Variants in TENM3 observed in about 807,000 individuals in gnomAD.
TENM3 encodes the protein teneurin-3.
In TENM3, 63 loss-of-function variants were observed where a neutral mutation model predicts 255.1. That is an observed-to-expected ratio of 0.25 (90% confidence interval 0.20 to 0.30). The LOEUF is 0.30. TENM3 is among the 10% of genes least tolerant of loss of function. The pLI, the probability that TENM3 is intolerant of heterozygous loss-of-function variation, is 1.00. For synonymous variants in TENM3, 1,306 were observed against 1,322.3 expected (o/e 0.99, Z 0.27); for missense variants, 2,929 against 3,461.1 (o/e 0.85, Z 3.86).
At chr4:181,717,065 A>G in the TENM3 span, among the ~76,000 whole-genome samples, 3 of 152,168 alleles carry the variant, frequency 2.0e-5, no homozygotes, top group Non-Finnish European at 4.4e-5. Flanking sequence ...ATCCCTTAGC[A>G]CATATCATGT....
chr4:181,470,108 T>TAAGA, the TENM3 span, among the ~76,000 whole-genome samples: 1 of 112,746 alleles, frequency 8.9e-6, no homozygotes, highest in Non-Finnish European at 1.9e-5. Context: ...ATAGCTTCTG[T>TAAGA]AAAAAAAAAA....
At chr4:182,235,979 A>G (rs1756879178) in intron 1 of TENM3, among the ~76,000 whole-genome samples, 1 of 152,206 alleles carries the variant, frequency 6.6e-6, no homozygotes, top group Non-Finnish European at 1.5e-5. Context: ...GAAGCATTGA[A>G]AGGTTTGATA....
At chr4:181,849,392 T>C in the TENM3 span, among the ~76,000 whole-genome samples, 2 of 152,174 alleles carry the variant, frequency 1.3e-5, no homozygotes, top group Non-Finnish European at 2.9e-5. Context: ...TTCATAAAAT[T>C]ATATTGTTGC....
Position 182,793,871 on chromosome 4 carries a change from A to G in TENM3, c.7199A>G (p.Lys2400Arg). The G allele has an allele frequency of 6.2e-7, 1 of 1,608,040 alleles. No homozygotes were observed. ...NNPASKIHDVKDYITDVNSWL... is the reference protein window; with the variant it reads ...NNPASKIHDVRDYITDVNSWL... Reference sequence around the variant, plus strand: ...CCTGCAAGCAAAATCCATGACGTGAAAGATTACATCACAGGTAAGCATTTT... The same window carrying G: ...CCTGCAAGCAAAATCCATGACGTGAGAGATTACATCACAGGTAAGCATTTT... Residue 2400 changes from lysine (K) to arginine (R), a missense_variant, in exon 26 of 28, where the codon AAA (lysine) becomes AGA (arginine). This residue lies in a region of TENM3 where 476 missense variants were observed against 480.1 expected (regional missense o/e 0.99). Coordinates refer to ENST00000511685, the MANE Select transcript of TENM3 (RefSeq NM_001080477.4). This position sits in a 1 kb window ranked among gnomAD's most constrained non-coding sequence, Gnocchi z 5.7.
In TENM3 at chr4:182,314,937, T is replaced by C. The variant is rs542223129; in HGVS notation, c.-75-9009T>C. 1.7e-4 allele frequency among the ~76,000 whole-genome samples: 26 copies of C among 152,338 alleles called. 1 individual carries two copies. The highest frequency in any genetic ancestry group is 5.9e-4 in the Admixed American group (9 of 15,298). ...TTTCCCCTTTCGTGACTGTTAGTTA[T>C]AACTATTTGCTTTGCTGTTTCAGTG... On this transcript the variant is annotated intron_variant, in intron 1 of 27. Coordinates refer to ENST00000511685, the MANE Select transcript of TENM3 (RefSeq NM_001080477.4).
chr4:182,362,448 C>A (rs573832249), intron 3 of TENM3, among the ~76,000 whole-genome samples: 1 of 151,908 alleles, frequency 6.6e-6, no homozygotes, highest in Admixed American at 6.6e-5. Context: ...CCCCCAGCCT[C>A]ACTGCCACCT....
chr4:181,887,157 GA>G, the TENM3 span, among the ~76,000 whole-genome samples: 4 of 150,442 alleles, frequency 2.7e-5, no homozygotes, highest in East Asian at 1.9e-4. Flanking sequence ...AGAAACACTA[GA>G]AAAAAAAATG....
chr4:181,468,728 C>A, the TENM3 span, among the ~76,000 whole-genome samples: 4 of 152,200 alleles, frequency 2.6e-5, no homozygotes, highest in African/African-American at 9.7e-5. Context: ...GATGGAGATG[C>A]CGATCTTTTT....
At position 182,157,207 on chromosome 4, in the gene TENM3, G is replaced by A. The variant is rs535845980; in HGVS notation, c.-76+12453G>A. Among the ~76,000 whole-genome samples the A allele has an allele frequency of 6.6e-5, 10 of 152,224 alleles. No homozygotes were observed. In the South Asian group the frequency reaches 8.3e-4, roughly 13 times the overall value. ...GGGCCCTGGGGCTCACAAATGTTTCGAAACATAGTGAACTGAGACAGTAGG... is the reference window on the plus strand; with the variant it reads ...GGGCCCTGGGGCTCACAAATGTTTCAAAACATAGTGAACTGAGACAGTAGG... On this transcript the variant is annotated intron_variant, in intron 1 of 2. Transcript: ENST00000512480.
At chr4:182,627,245 C>T (rs533288824) in intron 4 of TENM3, among the ~76,000 whole-genome samples, 58 of 152,116 alleles carry the variant, frequency 3.8e-4, no homozygotes, top group African/African-American at 1.4e-3. Context: ...TAAATATTAA[C>T]TCATTTAAGT....
intron 3 of TENM3, among the ~76,000 whole-genome samples, chr4:182,348,836 C>T (rs9992416): frequency 0.98 from 149,228 of 152,308 alleles, 73,188 homozygotes; most frequent in Middle Eastern, 1. Flanking sequence ...GTTAACGACA[C>T]ATAATATCCA....
the TENM3 span, among the ~76,000 whole-genome samples, chr4:181,518,053 A>G: frequency 6.6e-6 from 1 of 152,180 alleles, no homozygotes; most frequent in Non-Finnish European, 1.5e-5. Flanking sequence ...AAAATAGTCA[A>G]TTTAAAGTGA....
At chr4:181,897,248 T>G in the TENM3 span, among the ~76,000 whole-genome samples, 1 of 152,198 alleles carries the variant, frequency 6.6e-6, no homozygotes, top group Non-Finnish European at 1.5e-5. Context: ...TTGGCACAAA[T>G]GAAGGGGTTA....
chr4:182,335,916 A>G (rs1764108920), intron 2 of TENM3, among the ~76,000 whole-genome samples: 1 of 152,212 alleles, frequency 6.6e-6, no homozygotes, highest in South Asian at 2.1e-4. Context: ...AGTAAACGTG[A>G]AAAGGAGAAT....
the TENM3 span, among the ~76,000 whole-genome samples, chr4:181,511,090 G>A: frequency 1.3e-5 from 2 of 152,170 alleles, no homozygotes; most frequent in Non-Finnish European, 2.9e-5. Flanking sequence ...GCTGGAACCA[G>A]GGATGCCACA....
At chr4:181,967,373 C>T in the TENM3 span, among the ~76,000 whole-genome samples, 3 of 152,204 alleles carry the variant, frequency 2.0e-5, no homozygotes, top group South Asian at 4.2e-4. Context: ...CGGGGCTTTG[C>T]GTTTTGTGTG....
chr4:181,793,530 A>G, the TENM3 span, among the ~76,000 whole-genome samples: 1 of 152,178 alleles, frequency 6.6e-6, no homozygotes, highest in Admixed American at 6.5e-5. Flanking sequence ...AAATCCAAAT[A>G]TGGTTCATTC....
chr4:181,861,477 A>C, the TENM3 span, among the ~76,000 whole-genome samples: 2 of 152,160 alleles, frequency 1.3e-5, no homozygotes, highest in African/African-American at 2.4e-5. Flanking sequence ...TGAAATATTC[A>C]TTATGTGGAC....
chr4:181,899,887 AC>A, the TENM3 span, among the ~76,000 whole-genome samples: 1 of 151,912 alleles, frequency 6.6e-6, no homozygotes, highest in Non-Finnish European at 1.5e-5. Context: ...TTTATCAACT[AC>A]CCTGGATATT....
Sources: gnomAD v4.1 joint callset for allele counts (sites outside exome capture counted in the v4.1 genomes callset) on GRCh38, gnomAD v4.1.1 for gene constraint, gnomAD v4.1.1 regional missense constraint, Gnocchi (gnomAD v3.1) non-coding constraint, MANE v1.5 for transcripts, NCBI Gene and HGNC (gene_info 2026-07-23, HGNC 2026-07-21) for gene names.